STX8: variants seen among roughly 807,000 people sequenced by gnomAD.
STX8 encodes syntaxin 8.
A neutral mutation model predicts 37.5 loss-of-function variants in STX8; 23 were observed. The observed-to-expected ratio is 0.61, with a 90% CI of 0.44 to 0.87. The LOEUF (loss-of-function observed/expected upper bound fraction) is 0.87. Among genes scored for constraint, STX8 ranks in the 40% least tolerant of loss-of-function variants. STX8 has a pLI of 0.00. For synonymous variants in STX8, 115 were observed against 99.1 expected (o/e 1.16, Z -0.95); for missense variants, 313 against 284.7 (o/e 1.10, Z -0.71).
intron 4 of STX8, among the ~76,000 whole-genome samples, chr17:9,542,599 C>G (rs984988070): frequency 6.6e-6 from 1 of 151,906 alleles, no homozygotes; most frequent in Non-Finnish European, 1.5e-5. Flanking sequence ...GTGGTGTGAA[C>G]CTGGGAGGCG....
chr17:9,436,452 G>A (rs1466144186), intron 6 of STX8, among the ~76,000 whole-genome samples: 1 of 152,112 alleles, frequency 6.6e-6, no homozygotes, highest in Non-Finnish European at 1.5e-5. Flanking sequence ...ACGTAGAATG[G>A]GGAAAGTACA....
At chr17:9,463,248 G>A (rs149310010) in intron 6 of STX8, among the ~76,000 whole-genome samples, 23 of 152,166 alleles carry the variant, frequency 1.5e-4, no homozygotes, top group African/African-American at 5.3e-4. Context: ...TGTTATTACC[G>A]CTCACAGGGA....
At chr17:9,268,772 A>C (rs1370955951) in intron 7 of STX8, among the ~76,000 whole-genome samples, 1 of 152,210 alleles carries the variant, frequency 6.6e-6, no homozygotes. Context: ...GGCAGATTCA[A>C]CAATGTCACT....
chr17:9,344,530 G>A (rs1213962843), intron 7 of STX8, among the ~76,000 whole-genome samples: 1 of 152,040 alleles, frequency 6.6e-6, no homozygotes, highest in Non-Finnish European at 1.5e-5. Flanking sequence ...CAAAGTGCTG[G>A]GATTACAGGC....
Position 9,415,542 on chromosome 17 carries a change from C to T in STX8, c.542-36889G>A, listed in dbSNP as rs150174137. 5.9e-3 allele frequency among the ~76,000 whole-genome samples: 902 copies of T among 152,016 alleles called. 4 individuals carry two copies. Among genetic ancestry groups the T allele is most frequent in the Non-Finnish European group, 8.5e-3 (581 of 67,978 alleles). On this transcript the variant is annotated intron_variant, in intron 6 of 7. Coordinates refer to ENST00000306357, the MANE Select transcript of STX8 (RefSeq NM_004853.3). ...ATCCCAGCACTTTGGGAGGCCGAGG[C>T]GGGAGGATCACAAGGTCAGGAGATT...
intron 4 of STX8, among the ~76,000 whole-genome samples, chr17:9,536,330 TGAA>T (rs1906052551): frequency 6.6e-6 from 1 of 152,074 alleles, no homozygotes; most frequent in Admixed American, 6.5e-5. Flanking sequence ...TGAAGGGAAA[TGAA>T]GAGACAGCAA....
intron 6 of STX8, among the ~76,000 whole-genome samples, chr17:9,468,295 A>G (rs1905704570): frequency 6.6e-6 from 1 of 151,986 alleles, no homozygotes; most frequent in African/African-American, 2.4e-5. Context: ...TTTTTAGTAA[A>G]CACGGGGTTT....
At chr17:9,385,181 G>A (rs1911951688) in intron 6 of STX8, among the ~76,000 whole-genome samples, 1 of 152,132 alleles carries the variant, frequency 6.6e-6, no homozygotes, top group South Asian at 2.1e-4. Context: ...CTGATGCTCT[G>A]GGCATAGTAT....
intron 7 of STX8, among the ~76,000 whole-genome samples, chr17:9,264,253 A>G (rs1004302166): frequency 1.3e-5 from 2 of 152,160 alleles, no homozygotes; most frequent in African/African-American, 4.8e-5. Flanking sequence ...TTCCTAACCC[A>G]CAGAATTGTG....
intron 7 of STX8, among the ~76,000 whole-genome samples, chr17:9,279,133 G>A (rs562743059): frequency 7.9e-5 from 12 of 151,076 alleles, no homozygotes; most frequent in African/African-American, 1.2e-4. Context: ...GCACAATCTC[G>A]GCTCATTGCA....
At chr17:9,476,191 A>C (rs1201364463) in intron 6 of STX8, among the ~76,000 whole-genome samples, 1 of 152,214 alleles carries the variant, frequency 6.6e-6, no homozygotes, top group Non-Finnish European at 1.5e-5. Context: ...AAAACAAAAC[A>C]AAACGAAACC....
chr17:9,278,350 G>A (rs2142148342), intron 7 of STX8, among the ~76,000 whole-genome samples: 1 of 152,294 alleles, frequency 6.6e-6, no homozygotes, highest in Admixed American at 6.5e-5. Flanking sequence ...TCGGGAGGCT[G>A]AGACAGGAGA....
intron 7 of STX8, among the ~76,000 whole-genome samples, chr17:9,292,929 G>C (rs1229585320): frequency 1.3e-5 from 2 of 152,088 alleles, no homozygotes; most frequent in African/African-American, 4.8e-5. Flanking sequence ...CAACCAGCAA[G>C]CAACTCTAGG....
intron 4 of STX8, among the ~76,000 whole-genome samples, chr17:9,527,564 A>AT (rs1905628281): frequency 6.6e-6 from 1 of 152,188 alleles, no homozygotes; most frequent in Non-Finnish European, 1.5e-5. Flanking sequence ...TTCTCAAATG[A>AT]TTTTTTTAAA....
At position 9,547,592 on chromosome 17, in the gene STX8, C is replaced by T. The variant is rs1462868544; in HGVS notation, c.213-2310G>A. ...GCAGTGAGCCGAGACTGTGCCACTG[C>T]ACTCCAGCCTGGGTGACAGAGCAAG... On this transcript the variant is annotated intron_variant, in intron 3 of 7. Transcript: ENST00000306357. Among the ~76,000 whole-genome samples, 9 of 130,552 alleles carry T rather than the reference C, an allele frequency of 6.9e-5. No individual in the cohort carries two copies. In the Admixed American group the frequency reaches 8.4e-4, roughly 12 times the overall value. 85.6% of individuals were successfully genotyped at this position (130,552 alleles called of 152,430 possible). A position where few individuals can be genotyped will look rare whatever the true frequency, so the allele number is the denominator to read the frequency against.
intron 7 of STX8, among the ~76,000 whole-genome samples, chr17:9,260,929 C>T (rs1296731286): frequency 1.3e-5 from 2 of 151,916 alleles, no homozygotes; most frequent in Non-Finnish European, 1.5e-5. Context: ...CAGCAACTGT[C>T]GGAAAAGAGA....
At chr17:9,366,505 C>T (rs1911234509) in intron 7 of STX8, among the ~76,000 whole-genome samples, 1 of 152,226 alleles carries the variant, frequency 6.6e-6, no homozygotes, top group Non-Finnish European at 1.5e-5. Flanking sequence ...GCTGGGATTA[C>T]AAGTGTGAGC....
intron 7 of STX8, among the ~76,000 whole-genome samples, chr17:9,316,466 A>C (rs1025892242): frequency 5.3e-5 from 8 of 152,102 alleles, no homozygotes; most frequent in Admixed American, 3.3e-4. Context: ...TCAATAATTT[A>C]ATCTACCATG....
At chr17:9,285,413 T>TAAAAA (rs56156370) in intron 7 of STX8, among the ~76,000 whole-genome samples, 4 of 108,486 alleles carry the variant, frequency 3.7e-5, no homozygotes, top group African/African-American at 1.1e-4. Context: ...AAAGTAGTGA[T>TAAAAA]AAAAAAAAAA....
Sources: gnomAD v4.1 joint callset for allele counts (sites outside exome capture counted in the v4.1 genomes callset) on GRCh38, gnomAD v4.1.1 for gene constraint, MANE v1.5 for transcripts, NCBI Gene and HGNC (gene_info 2026-07-23, HGNC 2026-07-21) for gene names.